ITFG1: variants seen among roughly 807,000 people sequenced by gnomAD.
ITFG1 encodes integrin alpha FG-GAP repeat containing 1, also known as T-cell immunomodulatory protein.
A neutral mutation model predicts 81.8 loss-of-function variants in ITFG1; 34 were observed. The ratio of observed to expected loss-of-function variants is 0.42; its 90% confidence interval spans 0.32 to 0.55. The LOEUF is 0.55. ITFG1 is among the 20% of genes least tolerant of loss of function. ITFG1 has a pLI of 0.17. For missense variants in ITFG1, 672 were observed against 755.4 expected, an observed-to-expected ratio of 0.89 and a Z score of 1.29; for synonymous variants, 285 against 270.6, an observed-to-expected ratio of 1.05 and a Z score of -0.52.
chr16:47,408,853 T>C (rs1320462671), intron 6 of ITFG1, among the ~76,000 whole-genome samples: 1 of 152,224 alleles, frequency 6.6e-6, no homozygotes, highest in African/African-American at 2.4e-5. Context: ...TTAGAAATTA[T>C]TGAGGACCTC....
chr16:47,441,436 T>C (rs924556357), intron 5 of ITFG1, among the ~76,000 whole-genome samples: 1 of 152,158 alleles, frequency 6.6e-6, no homozygotes, highest in African/African-American at 2.4e-5. Flanking sequence ...CTCAATAAAA[T>C]ACTGGCAAAC....
chr16:47,440,250 C>T (rs1360653734), intron 5 of ITFG1, among the ~76,000 whole-genome samples: 2 of 151,476 alleles, frequency 1.3e-5, no homozygotes, highest in Admixed American at 6.6e-5. Flanking sequence ...GACTTTAACA[C>T]CTCACTGTAA....
intron 14 of ITFG1, among the ~76,000 whole-genome samples, chr16:47,180,412 A>T (rs1406068124): frequency 7.5e-6 from 1 of 134,040 alleles, no homozygotes; most frequent in Admixed American, 7.7e-5. Flanking sequence ...CTCTCTTTCC[A>T]CGGTCTCCCT....
intron 8 of ITFG1, among the ~76,000 whole-genome samples, chr16:47,326,658 C>T (rs1316986133): frequency 6.6e-6 from 1 of 152,180 alleles, no homozygotes; most frequent in Non-Finnish European, 1.5e-5. Flanking sequence ...GCAAAAATCA[C>T]AAGCATTCTT....
At chr16:47,415,405 G>A (rs1442730523) in intron 6 of ITFG1, among the ~76,000 whole-genome samples, 1 of 152,152 alleles carries the variant, frequency 6.6e-6, no homozygotes, top group East Asian at 1.9e-4. Flanking sequence ...AGAATGACAT[G>A]ATCAGGTTAC....
chr16:47,273,927 G>C (rs1279945015), intron 10 of ITFG1, among the ~76,000 whole-genome samples: 1 of 152,032 alleles, frequency 6.6e-6, no homozygotes, highest in Non-Finnish European at 1.5e-5. Context: ...GCTCATAAAA[G>C]GTAAGAAATC....
chr16:47,262,219 T>C (rs1054330741), intron 10 of ITFG1, among the ~76,000 whole-genome samples: 20 of 152,300 alleles, frequency 1.3e-4, no homozygotes, highest in Middle Eastern at 3.4e-3. Context: ...CTTTAACAAA[T>C]GAAAAAAATC....
At chr16:47,260,408 T>C (rs1281343140) in intron 11 of ITFG1, 137 bp downstream of exon 11, 3 of 861,030 alleles carry the variant, frequency 3.5e-6, no homozygotes, top group African/African-American at 1.7e-5. Context: ...CATTTAACAT[T>C]AAAAGGGGCT....
intron 12 of ITFG1, among the ~76,000 whole-genome samples, chr16:47,249,876 C>A (rs952856521): frequency 2.0e-5 from 3 of 152,168 alleles, no homozygotes; most frequent in African/African-American, 7.2e-5. Context: ...AATAATCGTG[C>A]ATAAATACTG....
intron 5 of ITFG1, among the ~76,000 whole-genome samples, chr16:47,435,759 A>T (rs1013506708): frequency 1.3e-4 from 20 of 152,342 alleles, no homozygotes; most frequent in Admixed American, 4.6e-4. Context: ...GTCTTCAAAC[A>T]TCTTTGCCCA....
intron 6 of ITFG1, among the ~76,000 whole-genome samples, chr16:47,419,947 A>C (rs1168340715): frequency 3.5e-5 from 5 of 142,106 alleles, no homozygotes; most frequent in African/African-American, 5.3e-5. Flanking sequence ...TTTTTTCTTT[A>C]TCTTCTCTTT....
intron 16 of ITFG1, among the ~76,000 whole-genome samples, chr16:47,159,535 T>C (rs1275448815): frequency 3.9e-5 from 6 of 152,148 alleles, no homozygotes; most frequent in Non-Finnish European, 8.8e-5. Flanking sequence ...TACAATGACT[T>C]TTAGGTTCAG....
intron 8 of ITFG1, among the ~76,000 whole-genome samples, chr16:47,348,898 C>A (rs1314359401): frequency 2.0e-5 from 3 of 152,146 alleles, no homozygotes; most frequent in Non-Finnish European, 4.4e-5. Context: ...AGAGTGGGGG[C>A]CAATATTCAA....
chr16:47,193,094 C>CT (rs200520892), intron 14 of ITFG1, among the ~76,000 whole-genome samples: 3,172 of 150,446 alleles, frequency 0.021, 111 homozygotes, highest in African/African-American at 0.073. Flanking sequence ...TCAGTTTGTT[C>CT]TTTTTTTTTG....
intron 8 of ITFG1, among the ~76,000 whole-genome samples, chr16:47,348,360 C>A (rs1967892023): frequency 6.6e-6 from 1 of 152,084 alleles, no homozygotes. Context: ...GCAGAGAAGT[C>A]CTTAAAGGAC....
intron 8 of ITFG1, among the ~76,000 whole-genome samples, chr16:47,336,855 C>T (rs1249093880): frequency 2.6e-5 from 4 of 151,228 alleles, no homozygotes; most frequent in East Asian, 3.9e-4. Flanking sequence ...CCCAGCTACT[C>T]GGGAGGCTGA....
intron 10 of ITFG1, among the ~76,000 whole-genome samples, chr16:47,263,941 A>G (rs988967484): frequency 6.6e-6 from 1 of 152,184 alleles, no homozygotes; most frequent in Non-Finnish European, 1.5e-5. Context: ...CTTGCCTTTA[A>G]AAATAAAATT....
intron 10 of ITFG1, among the ~76,000 whole-genome samples, chr16:47,280,862 C>G (rs1376685666): frequency 6.6e-6 from 1 of 152,100 alleles, no homozygotes; most frequent in African/African-American, 2.4e-5. Context: ...CTCTAAACGA[C>G]AGGATTTGGT....
At chr16:47,222,291 T>C (rs1260729266) in intron 13 of ITFG1, among the ~76,000 whole-genome samples, 1 of 152,010 alleles carries the variant, frequency 6.6e-6, no homozygotes, top group African/African-American at 2.4e-5. Flanking sequence ...GTTGTGTCTT[T>C]GTTCTCGTTG....
Sources: allele counts gnomAD v4.1 joint callset (sites outside exome capture counted in the v4.1 genomes callset), GRCh38; gene constraint gnomAD v4.1.1; transcripts MANE v1.5; gene names NCBI Gene and HGNC (gene_info 2026-07-23, HGNC 2026-07-21).